Variants in HPSE2 observed in about 807,000 individuals in gnomAD.
HPSE2 encodes inactive heparanase-2.
HPSE2 carries 38 observed loss-of-function variants against 60.5 expected under a neutral mutation model. That is an observed-to-expected ratio of 0.63 (90% CI 0.48 to 0.82). HPSE2 has a LOEUF of 0.82. HPSE2 is among the 40% of genes least tolerant of loss of function. The pLI is 0.00. For missense variants in HPSE2, 713 were observed against 740.4 expected (o/e 0.96, Z 0.43); for synonymous variants, 295 against 293.2 (o/e 1.01, Z -0.06).
chr10:98,980,620 C>T (rs1034844391), intron 3 of HPSE2, among the ~76,000 whole-genome samples: 2 of 152,142 alleles, frequency 1.3e-5, no homozygotes, highest in African/African-American at 4.8e-5. Context: ...AGTCTGGCCG[C>T]TGGGATTGAC....
chr10:99,103,531 T>C (rs538922634), intron 3 of HPSE2, among the ~76,000 whole-genome samples: 1 of 152,070 alleles, frequency 6.6e-6, no homozygotes, highest in Non-Finnish European at 1.5e-5. Flanking sequence ...GTAGGAAGAA[T>C]CGATATCGTG....
intron 3 of HPSE2, among the ~76,000 whole-genome samples, chr10:98,868,110 T>C (rs1039464010): frequency 1.3e-5 from 2 of 150,226 alleles, no homozygotes; most frequent in African/African-American, 4.9e-5. Flanking sequence ...AATAAATAAA[T>C]AAATAAATAA....
At chr10:98,645,156 G>A (rs1946735008) in intron 6 of HPSE2, among the ~76,000 whole-genome samples, 1 of 152,184 alleles carries the variant, frequency 6.6e-6, no homozygotes, top group Non-Finnish European at 1.5e-5. Context: ...CCAAAGAGAT[G>A]TAGGTTAGTC....
intron 9 of HPSE2, among the ~76,000 whole-genome samples, chr10:98,519,787 T>C (rs997135540): frequency 4.2e-4 from 64 of 152,300 alleles, no homozygotes; most frequent in African/African-American, 1.4e-3. Flanking sequence ...GTCACTCTGG[T>C]GGGCTTAGGG....
At chr10:98,665,645 G>A (rs895348822) in intron 6 of HPSE2, among the ~76,000 whole-genome samples, 3 of 152,116 alleles carry the variant, frequency 2.0e-5, no homozygotes, top group African/African-American at 7.2e-5. Context: ...CATCCTCAAA[G>A]AAAAGAAATT....
In HPSE2 at chr10:98,743,878, C is replaced by T. The variant is rs1365776356; in HGVS notation, c.784+5G>A. ...CAATTCAGAGGAAGTAACATCCTTA[C>T]TTACCATTACCCAGTTCCCAAGAAA... On this transcript the variant is annotated splice_donor_5th_base_variant and intron_variant, in intron 4 of 11. Transcript: ENST00000370552. 3.1e-6 allele frequency: 5 copies of T among 1,612,670 alleles called. No homozygotes were observed. Among genetic ancestry groups the T allele is most frequent in the East Asian group, 2.2e-5 (1 of 44,860 alleles).
intron 5 of HPSE2, among the ~76,000 whole-genome samples, chr10:98,721,200 C>T (rs1272374194): frequency 1.3e-5 from 2 of 151,502 alleles, no homozygotes; most frequent in East Asian, 3.9e-4. Flanking sequence ...AGAATATCTG[C>T]TAATAGGCCT....
chr10:98,547,641 T>A (rs1477338044), intron 9 of HPSE2, among the ~76,000 whole-genome samples: 3 of 114,264 alleles, frequency 2.6e-5, no homozygotes, highest in Non-Finnish European at 5.1e-5. Context: ...AACATCACAC[T>A]CTGGGGACTG....
intron 3 of HPSE2, among the ~76,000 whole-genome samples, chr10:98,925,687 TTGTG>T (rs1474006948): frequency 6.6e-6 from 1 of 152,170 alleles, no homozygotes; most frequent in Non-Finnish European, 1.5e-5. Flanking sequence ...CAGCCTTTGT[TTGTG>T]TGAGAAATAG....
At chr10:98,766,974 A>T (rs1290481082) in intron 3 of HPSE2, among the ~76,000 whole-genome samples, 1 of 152,138 alleles carries the variant, frequency 6.6e-6, no homozygotes, top group Non-Finnish European at 1.5e-5. Context: ...ACTCAATGTA[A>T]TTCACCATAT....
At chr10:99,163,210 CAAA>C (rs35632219) in intron 2 of HPSE2, among the ~76,000 whole-genome samples, 4 of 143,778 alleles carry the variant, frequency 2.8e-5, no homozygotes, top group African/African-American at 7.8e-5. Flanking sequence ...GACTCCATCT[CAAA>C]AAAAAAAAAA....
At chr10:98,885,925 T>C (rs1442042988) in intron 3 of HPSE2, among the ~76,000 whole-genome samples, 1 of 152,074 alleles carries the variant, frequency 6.6e-6, no homozygotes, top group Non-Finnish European at 1.5e-5. Context: ...CTGGAGACAG[T>C]ATAAAATCTG....
intron 3 of HPSE2, among the ~76,000 whole-genome samples, chr10:98,779,534 C>T (rs963544575): frequency 1.3e-5 from 2 of 152,168 alleles, no homozygotes; most frequent in African/African-American, 4.8e-5. Flanking sequence ...GATGTATTTA[C>T]ACACACCATG....
chr10:98,488,187 T>C (rs1327608276), intron 10 of HPSE2, among the ~76,000 whole-genome samples: 1 of 152,188 alleles, frequency 6.6e-6, no homozygotes, highest in Non-Finnish European at 1.5e-5. Flanking sequence ...TGAATGCAGA[T>C]AATTTCAGTA....
At chr10:98,905,853 C>T (rs1953800233) in intron 3 of HPSE2, among the ~76,000 whole-genome samples, 1 of 152,136 alleles carries the variant, frequency 6.6e-6, no homozygotes, top group African/African-American at 2.4e-5. Context: ...GACAATGGAA[C>T]ACAATGCCCT....
chr10:98,565,140 C>G (rs1944303616), intron 9 of HPSE2, among the ~76,000 whole-genome samples: 1 of 134,918 alleles, frequency 7.4e-6, no homozygotes, highest in Non-Finnish European at 1.6e-5. Flanking sequence ...CCCAAGCAGA[C>G]AGACAAAACT....
chr10:98,530,129 T>A (rs560969950), intron 9 of HPSE2, among the ~76,000 whole-genome samples: 166 of 152,308 alleles, frequency 1.1e-3, no homozygotes, highest in Middle Eastern at 3.4e-3. Flanking sequence ...GGTTTCCTTC[T>A]GGCTGCTTCA....
At chr10:98,620,261 T>A (rs2133985481) in intron 8 of HPSE2, among the ~76,000 whole-genome samples, 2 of 152,330 alleles carry the variant, frequency 1.3e-5, no homozygotes, top group African/African-American at 4.8e-5. Flanking sequence ...GCCTTATTGT[T>A]ACCTATCTCC....
At chr10:99,035,267 ATTAAT>A (rs1409924224) in intron 3 of HPSE2, among the ~76,000 whole-genome samples, 1 of 152,206 alleles carries the variant, frequency 6.6e-6, no homozygotes, top group Non-Finnish European at 1.5e-5. Context: ...ACGTTTTTCT[ATTAAT>A]TTAACTTTTT....
Sources: allele counts gnomAD v4.1 joint callset (sites outside exome capture counted in the v4.1 genomes callset), GRCh38; gene constraint gnomAD v4.1.1; transcripts MANE v1.5; gene names NCBI Gene and HGNC (gene_info 2026-07-23, HGNC 2026-07-21).